Variants in FBN1 observed in about 807,000 individuals in gnomAD.
FBN1 encodes fibrillin 1.
Under a neutral mutation model 365.1 loss-of-function variants are expected in FBN1, and 29 were observed. That is an observed-to-expected ratio of 0.08 (90% CI 0.06 to 0.11). The LOEUF (loss-of-function observed/expected upper bound fraction) is 0.11. Among genes scored for constraint, FBN1 ranks in the 10% least tolerant of loss-of-function variants. The probability of loss-of-function intolerance (pLI) is 1.00; values close to 1 mark genes in which losing one functional copy is unlikely to be tolerated. For synonymous variants in FBN1, 1,210 were observed against 1,270.5 expected (o/e 0.95, Z 1.01); for missense variants, 2,476 against 3,703.2 (o/e 0.67, Z 8.60).
rs1225826092 is a variant in FBN1, at chr15:48,489,839, G to A, written c.3082+12C>T. 7.5e-6 allele frequency: 12 copies of A among 1,610,474 alleles called. No individual in the cohort carries two copies. Among genetic ancestry groups the A allele is most frequent in the Non-Finnish European group, 1.0e-5 (12 of 1,176,882 alleles). On this transcript the variant is annotated intron_variant, in intron 25 of 65. Coordinates refer to ENST00000316623, the MANE Select transcript of FBN1 (RefSeq NM_000138.5). ...AGGGAGGCAATTGGCCATGGAAAAC[G>A]TAACATTGTACCTTTGAAGAAAGGC...
intron 25 of FBN1, 103 bp downstream of exon 25, chr15:48,489,748 A>G: frequency 1.1e-6 from 1 of 935,378 alleles, no homozygotes; most frequent in South Asian, 1.4e-5. Context: ...CAGAAAGCAA[A>G]AAGTCCATGC....
chr15:48,596,934 C>A (rs1369288076), intron 5 of FBN1, among the ~76,000 whole-genome samples: 2 of 152,188 alleles, frequency 1.3e-5, no homozygotes, highest in Admixed American at 6.5e-5. Flanking sequence ...TGCTTCAGGG[C>A]AGGATATTTT....
At chr15:48,440,589 G>A (rs541938638) in intron 50 of FBN1, among the ~76,000 whole-genome samples, 41 of 152,240 alleles carry the variant, frequency 2.7e-4, no homozygotes, top group African/African-American at 7.2e-4. Context: ...GAAATCAACC[G>A]GAGAACTCTC....
chr15:48,472,040 T>C (rs191076681), intron 35 of FBN1, among the ~76,000 whole-genome samples: 2 of 152,376 alleles, frequency 1.3e-5, no homozygotes, highest in African/African-American at 4.8e-5. Context: ...ATGTTAGATA[T>C]TTAGAGCAAA....
At position 48,514,390 on chromosome 15, in the gene FBN1, T is replaced by C. The variant is rs2043785101; in HGVS notation, c.1469-722A>G. On this transcript the variant is annotated intron_variant, in intron 12 of 65. Coordinates refer to ENST00000316623, the MANE Select transcript of FBN1 (RefSeq NM_000138.5). ...CACTTCTACTCAGCTCTGGATGACC[T>C]CTAGAAGGGGTGTTCATATCATCAG... Among the ~76,000 whole-genome samples the C allele has an allele frequency of 2.0e-5, 3 of 152,190 alleles. No homozygotes were observed. In the South Asian group the frequency reaches 6.2e-4, roughly 32 times the overall value.
At chr15:48,434,447 A>C in intron 54 of FBN1, 147 bp downstream of exon 54, 1 of 987,880 alleles carries the variant, frequency 1.0e-6, no homozygotes, top group Non-Finnish European at 1.6e-6. Flanking sequence ...AAGAGGCCAC[A>C]AAAGAAGAAT....
intron 32 of FBN1, 119 bp downstream of exon 32, chr15:48,481,536 T>C (rs910171062): frequency 9.2e-7 from 1 of 1,086,516 alleles, no homozygotes; most frequent in Non-Finnish European, 1.3e-6. Flanking sequence ...AAAAATGTTA[T>C]GCAAAATGTT....
intron 32 of FBN1, 107 bp downstream of exon 32, chr15:48,481,548 T>C (rs991565438): frequency 8.4e-7 from 1 of 1,194,194 alleles, no homozygotes; most frequent in South Asian, 1.5e-5. Context: ...CAAAATGTTT[T>C]ATAATATAGT....
chr15:48,529,826 C>T (rs1176861276), intron 8 of FBN1: 2 of 155,228 alleles, frequency 1.3e-5, no homozygotes, highest in Non-Finnish European at 2.9e-5. Flanking sequence ...AGTCACATCA[C>T]GTACGCCAGC....
At chr15:48,511,568 T>C (rs1016956537) in intron 13 of FBN1, among the ~76,000 whole-genome samples, 1 of 152,214 alleles carries the variant, frequency 6.6e-6, no homozygotes, top group Non-Finnish European at 1.5e-5. Context: ...AAGCTTGTCA[T>C]TCAAAGTTCT....
At chr15:48,439,712 G>A (rs117800087) in intron 50 of FBN1, among the ~76,000 whole-genome samples, 3,320 of 151,552 alleles carry the variant, frequency 0.022, 67 homozygotes, top group East Asian at 0.083. Flanking sequence ...AGCTGACTTC[G>A]TCCCAGACCC....
At chr15:48,588,386 A>C (rs1002738981) in intron 6 of FBN1, among the ~76,000 whole-genome samples, 2 of 152,224 alleles carry the variant, frequency 1.3e-5, no homozygotes, top group Non-Finnish European at 2.9e-5. Context: ...TCTATTGTTC[A>C]GTACTGTTCT....
At chr15:48,499,450 A>C (rs1387485097) in intron 17 of FBN1, among the ~76,000 whole-genome samples, 1 of 152,144 alleles carries the variant, frequency 6.6e-6, no homozygotes, top group African/African-American at 2.4e-5. Context: ...TTTTCAGTAC[A>C]ATTGGTTCTT....
rs574278235 is a variant in FBN1 at position 48,415,902 on chromosome 15, T to C, written c.7820-135A>G. ...GGAAGGTAAGACAGGCAGAGGTGGCTGGGTGGGGAGAGCAACAGCAGAGAA... is the reference window on the plus strand; with the variant it reads ...GGAAGGTAAGACAGGCAGAGGTGGCCGGGTGGGGAGAGCAACAGCAGAGAA... On this transcript the variant is annotated intron_variant, in intron 63 of 65. Coordinates refer to ENST00000316623, the MANE Select transcript of FBN1 (RefSeq NM_000138.5). The C allele has an allele frequency of 5.4e-6, 4 of 739,840 alleles. No individual in the cohort carries two copies. The South Asian group carries it at 5.8e-5, about 11-fold the overall frequency. 45.8% of individuals were successfully genotyped at this position (739,840 alleles called of 1,614,324 possible).
intron 7 of FBN1, 37 bp from the exon 8 acceptor site, chr15:48,534,242 A>C (rs1263772057): frequency 4.6e-6 from 7 of 1,513,418 alleles, no homozygotes; most frequent in Non-Finnish European, 5.5e-6. Flanking sequence ...AAAAAAAAAA[A>C]CTCATATGAA....
chr15:48,453,581 T>G (rs543760186), intron 44 of FBN1, among the ~76,000 whole-genome samples: 1 of 152,094 alleles, frequency 6.6e-6, no homozygotes. Flanking sequence ...TGGATACATG[T>G]CATTATAAAT....
intron 6 of FBN1, among the ~76,000 whole-genome samples, chr15:48,551,328 C>A (rs1026079011): frequency 6.6e-6 from 1 of 152,116 alleles, no homozygotes; most frequent in Non-Finnish European, 1.5e-5. Context: ...ACGTCAATGA[C>A]CCACAATCTG....
chr15:48,609,621 C>T (rs1319300453), intron 4 of FBN1, among the ~76,000 whole-genome samples: 1 of 152,186 alleles, frequency 6.6e-6, no homozygotes, highest in Non-Finnish European at 1.5e-5. Flanking sequence ...GGCACTTATC[C>T]AACCACTCTC....
intron 38 of FBN1, 149 bp from the exon 39 acceptor site, chr15:48,466,007 C>T: frequency 1.5e-6 from 1 of 687,046 alleles, no homozygotes; most frequent in South Asian, 1.6e-5. Flanking sequence ...TAAGTTAACA[C>T]CTTTGTGTAC....
Sources: gnomAD v4.1 joint callset for allele counts (sites outside exome capture counted in the v4.1 genomes callset) on GRCh38, gnomAD v4.1.1 for gene constraint, MANE v1.5 for transcripts, NCBI Gene and HGNC (gene_info 2026-07-23, HGNC 2026-07-21) for gene names.